The following GXYLT2 variants were observed in gnomAD, a reference collection of about 807,000 sequenced individuals.
The protein encoded by GXYLT2 is glycosyltransferase 8 domain containing 4.
Under a neutral mutation model 45.8 loss-of-function variants are expected in GXYLT2, and 53 were observed. The observed-to-expected ratio is 1.16, with a 90% CI of 0.93 to 1.46. The LOEUF is 1.46. Among genes scored for constraint, GXYLT2 ranks in the 40% most tolerant of loss-of-function variants. The pLI, the probability that GXYLT2 is intolerant of heterozygous loss-of-function variation, is 0.00. For missense variants in GXYLT2, 551 were observed against 544.4 expected, an observed-to-expected ratio of 1.01 and a Z score of -0.12; for synonymous variants, 219 against 214.2, an observed-to-expected ratio of 1.02 and a Z score of -0.19.
At chr3:72,955,435 T>C in intron 4 of GXYLT2, 86 bp downstream of exon 4, 2 of 1,365,726 alleles carry the variant, frequency 1.5e-6, no homozygotes, top group Non-Finnish European at 2.0e-6. Context: ...AATATGCTGA[T>C]TTTGGAAATT....
intron 6 of GXYLT2, among the ~76,000 whole-genome samples, chr3:72,972,659 A>G (rs1195759659): frequency 2.0e-5 from 3 of 150,320 alleles, no homozygotes; most frequent in Non-Finnish European, 4.4e-5. Context: ...AAAAAAAAAA[A>G]AAGAAGCATA....
At chr3:72,942,793 TGGA>T (rs1710325721) in intron 3 of GXYLT2, among the ~76,000 whole-genome samples, 1 of 151,830 alleles carries the variant, frequency 6.6e-6, no homozygotes, top group Admixed American at 6.6e-5. Context: ...TGTTACAGAT[TGGA>T]GGAGACTAAG....
intron 5 of GXYLT2, among the ~76,000 whole-genome samples, chr3:72,964,542 CG>C (rs1019012620): frequency 6.6e-6 from 1 of 151,802 alleles, no homozygotes; most frequent in African/African-American, 2.4e-5. Context: ...AGGCTGGTCT[CG>C]AACTCCTGAC....
chr3:72,889,988 C>T (rs1193845782), intron 1 of GXYLT2, among the ~76,000 whole-genome samples: 14 of 151,446 alleles, frequency 9.2e-5, no homozygotes, highest in East Asian at 3.9e-4. Context: ...TCACTGCAAC[C>T]GCTGCCTCCC....
intron 1 of GXYLT2, among the ~76,000 whole-genome samples, chr3:72,895,584 T>C (rs1327068086): frequency 6.6e-6 from 1 of 152,214 alleles, no homozygotes; most frequent in Non-Finnish European, 1.5e-5. Flanking sequence ...TCATTTATAA[T>C]TCACTGTAAA....
At chr3:72,913,064 G>A (rs1040091970) in intron 2 of GXYLT2, among the ~76,000 whole-genome samples, 1 of 148,510 alleles carries the variant, frequency 6.7e-6, no homozygotes, top group Non-Finnish European at 1.5e-5. Context: ...TTGAGACGGA[G>A]TCTTGCTCTG....
At chr3:72,899,657 C>A (rs1709363908) in intron 1 of GXYLT2, among the ~76,000 whole-genome samples, 1 of 152,234 alleles carries the variant, frequency 6.6e-6, no homozygotes, top group Non-Finnish European at 1.5e-5. Flanking sequence ...CTTGACATGG[C>A]TATAATTATC....
intron 5 of GXYLT2, among the ~76,000 whole-genome samples, chr3:72,966,634 C>CG (rs1208733318): frequency 3.9e-5 from 4 of 101,868 alleles, no homozygotes; most frequent in Admixed American, 1.0e-4. Context: ...TTGGTTTGTT[C>CG]GTTTTTTTTT....
At chr3:72,969,764 CCT>C (rs1710949802) in intron 6 of GXYLT2, among the ~76,000 whole-genome samples, 2 of 151,958 alleles carry the variant, frequency 1.3e-5, no homozygotes, top group Admixed American at 1.3e-4. Context: ...TTAGCCAGCC[CCT>C]GACATAAAAC....
At chr3:72,894,797 A>C (rs1411452256) in intron 1 of GXYLT2, among the ~76,000 whole-genome samples, 1 of 152,114 alleles carries the variant, frequency 6.6e-6, no homozygotes. Flanking sequence ...ATAATATGTA[A>C]ACTGCACACC....
At chr3:72,940,017 G>A (rs1041164819) in intron 3 of GXYLT2, among the ~76,000 whole-genome samples, 1 of 152,084 alleles carries the variant, frequency 6.6e-6, no homozygotes, top group African/African-American at 2.4e-5. Context: ...AAATGGCCAG[G>A]CGCTGTGGCT....
intron 3 of GXYLT2, among the ~76,000 whole-genome samples, chr3:72,947,313 A>G (rs1358861278): frequency 6.6e-6 from 1 of 152,158 alleles, no homozygotes. Context: ...AGGATTATTT[A>G]GCTCCCTATC....
At chr3:72,946,802 A>T (rs1710420476) in intron 3 of GXYLT2, among the ~76,000 whole-genome samples, 1 of 152,164 alleles carries the variant, frequency 6.6e-6, no homozygotes, top group African/African-American at 2.4e-5. Flanking sequence ...CCTTTGTTAA[A>T]TTAGAAATTT....
At chr3:72,948,464 T>C (rs971794644) in intron 3 of GXYLT2, among the ~76,000 whole-genome samples, 1 of 152,142 alleles carries the variant, frequency 6.6e-6, no homozygotes, top group African/African-American at 2.4e-5. Context: ...CAAAAAGATA[T>C]CTGGAAAATT....
chr3:72,894,486 T>C (rs1709245012), intron 1 of GXYLT2, among the ~76,000 whole-genome samples: 1 of 152,170 alleles, frequency 6.6e-6, no homozygotes, highest in African/African-American at 2.4e-5. Flanking sequence ...AATCAGACTT[T>C]TCTTAAGGAT....
At chr3:72,932,394 A>T (rs1446607918) in intron 3 of GXYLT2, among the ~76,000 whole-genome samples, 4 of 152,232 alleles carry the variant, frequency 2.6e-5, no homozygotes. Flanking sequence ...AAAAGTATTT[A>T]ATTTTGTTTA....
chr3:72,922,868 C>T (rs1343195521), intron 3 of GXYLT2, among the ~76,000 whole-genome samples: 1 of 152,128 alleles, frequency 6.6e-6, no homozygotes, highest in African/African-American at 2.4e-5. Flanking sequence ...CCTATAATCC[C>T]AGTACTTGGG....
At chr3:72,956,124 G>A (rs1202473952) in intron 4 of GXYLT2, among the ~76,000 whole-genome samples, 1 of 152,122 alleles carries the variant, frequency 6.6e-6, no homozygotes, top group Non-Finnish European at 1.5e-5. Context: ...GGTGTCACGT[G>A]GCTGTAGTCT....
intron 5 of GXYLT2, 22 bp downstream of exon 5, chr3:72,957,374 C>G: frequency 4.4e-6 from 7 of 1,578,368 alleles, no homozygotes; most frequent in African/African-American, 2.7e-5. Flanking sequence ...TTGGAGAATG[C>G]CTTTTGTGTA....
Sources: gnomAD v4.1 joint callset for allele counts (sites outside exome capture counted in the v4.1 genomes callset) on GRCh38, gnomAD v4.1.1 for gene constraint, MANE v1.5 for transcripts, NCBI Gene and HGNC (gene_info 2026-07-23, HGNC 2026-07-21) for gene names.